Variants in COX10 observed in about 807,000 individuals in gnomAD.
COX10 encodes the protein protoheme IX farnesyltransferase, mitochondrial.
In COX10, 27 loss-of-function variants were observed where a neutral mutation model predicts 37.3. The ratio of observed to expected loss-of-function variants is 0.72; its 90% CI spans 0.53 to 1.00. The LOEUF (loss-of-function observed/expected upper bound fraction) is 1.00. Ranked by LOEUF, COX10 falls within the 50% of genes least tolerant of loss-of-function variation. COX10 has a pLI of 0.00. For missense variants in COX10, 475 were observed against 563.2 expected, an observed-to-expected ratio of 0.84 and a Z score of 1.59; for synonymous variants, 222 against 229.1, an observed-to-expected ratio of 0.97 and a Z score of 0.28.
intron 5 of COX10, among the ~76,000 whole-genome samples, chr17:14,165,241 G>GAT (rs1905253426): frequency 6.6e-6 from 1 of 152,162 alleles, no homozygotes; most frequent in African/African-American, 2.4e-5. Flanking sequence ...ATGCTTCATA[G>GAT]ATACTACATT....
intron 5 of COX10, among the ~76,000 whole-genome samples, chr17:14,176,737 C>T (rs2856217): frequency 0.57 from 86,591 of 150,672 alleles, 25,303 homozygotes; most frequent in East Asian, 0.62. Context: ...CTCCACTGTT[C>T]CAAGAAATTG....
chr17:14,188,102 CTTTT>C (rs1157321131), intron 5 of COX10, among the ~76,000 whole-genome samples: 3 of 123,602 alleles, frequency 2.4e-5, no homozygotes, highest in Non-Finnish European at 3.3e-5. Context: ...CCTTCTTCTT[CTTTT>C]TTTTTTTTTT....
At chr17:14,115,601 C>T (rs571379585) in intron 4 of COX10, among the ~76,000 whole-genome samples, 1 of 152,220 alleles carries the variant, frequency 6.6e-6, no homozygotes, top group South Asian at 2.1e-4. Flanking sequence ...CACCGCCCTA[C>T]CACCGTAGCA....
At chr17:14,090,463 G>A (rs746423047) in intron 3 of COX10, among the ~76,000 whole-genome samples, 17 of 152,098 alleles carry the variant, frequency 1.1e-4, no homozygotes, top group Non-Finnish European at 2.4e-4. Context: ...TATTAAATAA[G>A]AAGGAAGAAT....
chr17:14,152,610 C>A (rs1318379810), intron 4 of COX10, among the ~76,000 whole-genome samples: 1 of 152,180 alleles, frequency 6.6e-6, no homozygotes, highest in African/African-American at 2.4e-5. Flanking sequence ...GTATCTAATT[C>A]TGGGCCTGAC....
intron 5 of COX10, among the ~76,000 whole-genome samples, chr17:14,172,578 CTTT>C (rs57560461): frequency 3.2e-3 from 334 of 105,600 alleles, no homozygotes; most frequent in African/African-American, 8.6e-3. Flanking sequence ...TTTTCTTTTT[CTTT>C]TTTTTTTTTT....
At chr17:14,150,115 T>C (rs1404039701) in intron 4 of COX10, among the ~76,000 whole-genome samples, 3 of 151,952 alleles carry the variant, frequency 2.0e-5, no homozygotes, top group Admixed American at 1.3e-4. Flanking sequence ...CTACCAACAA[T>C]ACAAAAACTT....
chr17:14,162,710 T>C (rs1316989250), intron 5 of COX10, among the ~76,000 whole-genome samples: 1 of 152,114 alleles, frequency 6.6e-6, no homozygotes, highest in Non-Finnish European at 1.5e-5. Context: ...TATGTATTAA[T>C]GACTGGAAAA....
chr17:14,112,094 T>C (rs1916015770), intron 4 of COX10, among the ~76,000 whole-genome samples: 1 of 152,192 alleles, frequency 6.6e-6, no homozygotes, highest in Non-Finnish European at 1.5e-5. Context: ...TAATGTATTT[T>C]TTCCACAAGA....
intron 2 of COX10, among the ~76,000 whole-genome samples, chr17:14,076,195 C>T (rs1438282175): frequency 7.2e-6 from 1 of 139,426 alleles, no homozygotes. Flanking sequence ...AGCTCAATCT[C>T]CTAGGCTCAA....
In COX10 at chr17:14,191,986, C is replaced by T. The variant is rs1567611664; in HGVS notation, c.696-3C>T. ...CACTCCAGGTTCTCTGCTCTTTTTC[C>T]AGCCCATTGCTAGCTGTGTCCTTTG... On this transcript the variant is annotated splice_polypyrimidine_tract_variant and splice_region_variant and intron_variant, in intron 5 of 6. Transcript: ENST00000261643. 2 of 1,613,846 alleles carry T rather than the reference C, an allele frequency of 1.2e-6. No homozygotes were observed. The highest frequency in any genetic ancestry group is 1.7e-6 in the Non-Finnish European group (2 of 1,179,816).
chr17:14,192,415 C>A, intron 6 of COX10, among the ~76,000 whole-genome samples, 194 bp downstream of exon 6: 1 of 152,068 alleles, frequency 6.6e-6, no homozygotes, highest in Non-Finnish European at 1.5e-5. Flanking sequence ...GGTGGGTGCA[C>A]ATGACATACA....
chr17:14,129,594 A>G (rs1439249337), intron 4 of COX10, among the ~76,000 whole-genome samples: 18 of 152,138 alleles, frequency 1.2e-4, no homozygotes, highest in Admixed American at 9.8e-4. Context: ...AGCCTTCTGT[A>G]TTTTTCTTTG....
chr17:14,101,486 C>T (rs527684484), intron 3 of COX10, among the ~76,000 whole-genome samples: 11 of 152,282 alleles, frequency 7.2e-5, no homozygotes, highest in Admixed American at 1.3e-4. Flanking sequence ...AGGAAAGAAG[C>T]GCCAGGGCCT....
chr17:14,184,762 G>A (rs1365764798), intron 5 of COX10, among the ~76,000 whole-genome samples: 3 of 152,038 alleles, frequency 2.0e-5, no homozygotes, highest in Non-Finnish European at 2.9e-5. Flanking sequence ...TAACCAGGCC[G>A]GCCGCAGTCA....
chr17:14,140,487 C>G (rs1278536755), intron 4 of COX10, among the ~76,000 whole-genome samples: 1 of 151,974 alleles, frequency 6.6e-6, no homozygotes, highest in Non-Finnish European at 1.5e-5. Flanking sequence ...GTTTTCTCCT[C>G]TATTTCTGTA....
chr17:14,155,269 G>A (rs34941260), intron 4 of COX10, among the ~76,000 whole-genome samples: 17,588 of 151,106 alleles, frequency 0.12, 1,179 homozygotes, highest in South Asian at 0.19. Context: ...TTTGATTTTC[G>A]TGGAAATGTG....
At chr17:14,178,579 C>T (rs1905757848) in intron 5 of COX10, among the ~76,000 whole-genome samples, 1 of 148,218 alleles carries the variant, frequency 6.7e-6, no homozygotes, top group South Asian at 2.2e-4. Context: ...TTCTGTTTCT[C>T]CTTTTTGTAG....
chr17:14,111,187 T>G (rs1371112646), intron 4 of COX10, among the ~76,000 whole-genome samples: 4 of 152,158 alleles, frequency 2.6e-5, no homozygotes, highest in Non-Finnish European at 4.4e-5. Context: ...AATTCACATT[T>G]TCATGACCAC....
Sources: allele counts gnomAD v4.1 joint callset (sites outside exome capture counted in the v4.1 genomes callset), GRCh38; gene constraint gnomAD v4.1.1; transcripts MANE v1.5; gene names NCBI Gene and HGNC (gene_info 2026-07-23, HGNC 2026-07-21).